The following PCNX2 variants were observed in gnomAD, a reference collection of about 807,000 sequenced individuals.
The protein encoded by PCNX2 is pecanex 2, also known as pecanex-like protein 2.
In PCNX2, 168 loss-of-function variants were observed where a neutral mutation model predicts 223.8. The observed-to-expected ratio is 0.75, with a 90% CI of 0.66 to 0.85. The LOEUF is 0.85. Among genes scored for constraint, PCNX2 ranks in the 40% least tolerant of loss-of-function variants. PCNX2 has a pLI of 0.00. For synonymous variants in PCNX2, 1,006 were observed against 1,052.6 expected (o/e 0.96, Z 0.86); for missense variants, 2,507 against 2,675.5 (o/e 0.94, Z 1.39).
Position 233,295,177 on chromosome 1 carries a change from T to C in PCNX2, c.153+149A>G. On this transcript the variant is annotated intron_variant, in intron 1 of 33. Transcript: ENST00000258229. This position sits in a 1 kb window ranked among gnomAD's most constrained non-coding sequence, Gnocchi z 4.1. ...CAGTCCCCTTTCCCTGCATGTTCTCTGTCCCAAATTTCTGAAGCCCCTCCC... is the reference window on the plus strand; with the variant it reads ...CAGTCCCCTTTCCCTGCATGTTCTCCGTCCCAAATTTCTGAAGCCCCTCCC... The C allele has an allele frequency of 8.8e-7, 1 of 1,138,388 alleles. No homozygotes were observed. The highest frequency in any genetic ancestry group is 1.2e-6 in the Non-Finnish European group (1 of 805,242). 70.5% of individuals were successfully genotyped at this position (1,138,388 alleles called of 1,614,324 possible).
At chr1:233,156,270 CA>C (rs1480594995) in intron 19 of PCNX2, among the ~76,000 whole-genome samples, 26 of 152,116 alleles carry the variant, frequency 1.7e-4, no homozygotes, top group African/African-American at 5.5e-4. Context: ...AATTTTATAC[CA>C]AAATTATTCG....
At chr1:233,178,834 C>A (rs1679633948) in intron 16 of PCNX2, among the ~76,000 whole-genome samples, 1 of 152,168 alleles carries the variant, frequency 6.6e-6, no homozygotes, top group African/African-American at 2.4e-5. Context: ...ACTCCAAAAT[C>A]AAAAGAGCAA....
intron 33 of PCNX2, chr1:232,984,690 G>A: frequency 5.8e-6 from 3 of 521,322 alleles, no homozygotes; most frequent in South Asian, 5.4e-5. Context: ...AGACACAGGG[G>A]CTCTGCACGT....
intron 1 of PCNX2, among the ~76,000 whole-genome samples, chr1:233,273,034 T>C (rs527507756): frequency 2.0e-5 from 3 of 150,884 alleles, no homozygotes; most frequent in African/African-American, 7.3e-5. Context: ...AGACAACAAA[T>C]TGGGTATAGT....
intron 21 of PCNX2, among the ~76,000 whole-genome samples, chr1:233,106,991 ATTTATGC>A (rs1558237173): frequency 6.6e-6 from 1 of 152,212 alleles, no homozygotes; most frequent in African/African-American, 2.4e-5. Flanking sequence ...AACTTTCCAC[ATTTATGC>A]TTTATGCTCT....
At chr1:233,223,850 TCTTTA>T (rs2102940094) in intron 10 of PCNX2, among the ~76,000 whole-genome samples, 1 of 152,344 alleles carries the variant, frequency 6.6e-6, no homozygotes, top group East Asian at 1.9e-4. Flanking sequence ...AATGATTTCC[TCTTTA>T]CTTGTCATAT....
At chr1:233,225,571 A>G (rs181916709) in intron 10 of PCNX2, among the ~76,000 whole-genome samples, 12 of 152,360 alleles carry the variant, frequency 7.9e-5, no homozygotes, top group African/African-American at 2.9e-4. Context: ...GTAACTTGCC[A>G]GAAAGGTGAT....
At chr1:233,190,671 T>C (rs1440773848) in intron 15 of PCNX2, among the ~76,000 whole-genome samples, 2 of 152,212 alleles carry the variant, frequency 1.3e-5, no homozygotes, top group African/African-American at 2.4e-5. Context: ...CAGTTTCAAC[T>C]GGTCAAAGCC....
chr1:233,153,925 T>C (rs1182543637), intron 19 of PCNX2, among the ~76,000 whole-genome samples: 1 of 152,168 alleles, frequency 6.6e-6, no homozygotes, highest in African/African-American at 2.4e-5. Flanking sequence ...TAGAAACTAG[T>C]CTATCTGTAA....
the PCNX2 span, among the ~76,000 whole-genome samples, chr1:233,305,232 G>A: frequency 1.3e-5 from 2 of 151,872 alleles, no homozygotes; most frequent in Admixed American, 1.3e-4. Flanking sequence ...AAATCGTAAA[G>A]CAAGAATTAC....
chr1:233,170,602 C>A (rs1055969686), intron 17 of PCNX2, among the ~76,000 whole-genome samples: 4 of 152,062 alleles, frequency 2.6e-5, no homozygotes, highest in Non-Finnish European at 5.9e-5. Context: ...TAATTTGAAT[C>A]TTTTGTGTTG....
intron 13 of PCNX2, among the ~76,000 whole-genome samples, chr1:233,203,068 TC>T (rs1329856157): frequency 1.3e-5 from 2 of 152,190 alleles, no homozygotes; most frequent in Admixed American, 6.5e-5. Flanking sequence ...TCCCTCCCCT[TC>T]AACCTGGCAG....
intron 15 of PCNX2, among the ~76,000 whole-genome samples, chr1:233,193,180 T>C (rs1054705567): frequency 6.6e-6 from 1 of 150,920 alleles, no homozygotes; most frequent in African/African-American, 2.4e-5. Context: ...ATTTGTTGAT[T>C]TCTTCATTCT....
At chr1:233,291,083 T>C (rs1483804389) in intron 1 of PCNX2, 3 of 985,264 alleles carry the variant, frequency 3.0e-6, no homozygotes, top group South Asian at 9.4e-5. Context: ...TGCTCTTATA[T>C]GTAGTATGTC....
At position 233,081,984 on chromosome 1, in the gene PCNX2, C is replaced by G. The variant is rs142951843; in HGVS notation, c.4076+8077G>C. Among the ~76,000 whole-genome samples the G allele has an allele frequency of 3.3e-3, 455 of 139,498 alleles. 2 individuals carry two copies. Among genetic ancestry groups the G allele is most frequent in the African/African-American group, 0.013 (442 of 32,828 alleles). The allele number at this position is 139,498 out of a possible 152,430, so 91.5% of individuals were successfully genotyped here. A position where few individuals can be genotyped will look rare whatever the true frequency, so the allele number is the denominator to read the frequency against. On this transcript the variant is annotated intron_variant, in intron 23 of 33. Coordinates refer to ENST00000258229, the MANE Select transcript of PCNX2 (RefSeq NM_014801.4). ...ATGGGCAAATGCATTAACTGGCATT[C>G]TGTGTGTGTTTGTGTGTGTGTGTGT... is the stretch of plus-strand genomic sequence containing the variant.
At chr1:233,058,549 A>T (rs1672273807) in intron 23 of PCNX2, 1 of 152,242 alleles carries the variant, frequency 6.6e-6, no homozygotes, top group Non-Finnish European at 1.5e-5. Context: ...CAAATATATC[A>T]GCATCACACA....
At chr1:233,013,823 G>A (rs745808974) in intron 28 of PCNX2, among the ~76,000 whole-genome samples, 10 of 152,134 alleles carry the variant, frequency 6.6e-5, no homozygotes, top group African/African-American at 9.7e-5. Flanking sequence ...CAGAGGTGCT[G>A]ATGGAATTGA....
At chr1:233,275,806 C>T (rs183890241) in intron 1 of PCNX2, among the ~76,000 whole-genome samples, 68 of 151,676 alleles carry the variant, frequency 4.5e-4, no homozygotes, top group Admixed American at 9.2e-4. Flanking sequence ...CCGAGGTGGG[C>T]GGATCACGAG....
chr1:232,986,174 C>A lies in PCNX2; in HGVS notation c.6158G>T (p.Gly2053Val). 1 of 1,563,446 alleles carries A rather than the reference C, an allele frequency of 6.4e-7. No homozygotes were observed. Among genetic ancestry groups the A allele is most frequent in the Admixed American group, 1.9e-5 (1 of 52,888 alleles). ...GGATGACTGGGTGTCACTGGTATTGCCCCCCTCCGCAGCAGAGAGTCCGGA... is the reference window on the plus strand; with the variant it reads ...GGATGACTGGGTGTCACTGGTATTGACCCCCTCCGCAGCAGAGAGTCCGGA... ...VISGLSAAEGGNTSDTQSSSS... is the reference protein window; with the variant it reads ...VISGLSAAEGVNTSDTQSSSS... The change falls in exon 33 of 34, where the codon GGC becomes GTC. Residue 2053 changes from glycine to valine, a missense_variant. Physicochemically the swap from Gly to Val is moderately radical, Grantham distance 109. Transcript: ENST00000258229.
Sources: allele counts gnomAD v4.1 joint callset (sites outside exome capture counted in the v4.1 genomes callset), GRCh38; gene constraint gnomAD v4.1.1; non-coding constraint Gnocchi (gnomAD v3.1); transcripts MANE v1.5; gene names NCBI Gene and HGNC (gene_info 2026-07-23, HGNC 2026-07-21).